The following DNAI7 variants were observed in gnomAD, a reference collection of about 807,000 sequenced individuals.
DNAI7 encodes dynein axonemal intermediate chain 7, also known as cancer susceptibility 1.
In DNAI7, 78 loss-of-function variants were observed where a neutral mutation model predicts 86.6. That is an observed-to-expected ratio of 0.90 (90% CI 0.75 to 1.09). The LOEUF (loss-of-function observed/expected upper bound fraction) is 1.09, where lower values mean the gene tolerates loss of function less well. DNAI7 is among the 50% of genes least tolerant of loss of function. The pLI is 0.00. For synonymous variants in DNAI7, 274 were observed against 273.0 expected, an observed-to-expected ratio of 1.00 and a Z score of -0.04; for missense variants, 753 against 810.2, an observed-to-expected ratio of 0.93 and a Z score of 0.86.
intron 13 of DNAI7, 115 bp from the exon 14 acceptor site, chr12:25,112,054 T>C (rs2140343542): frequency 1.8e-6 from 1 of 544,246 alleles, no homozygotes. Context: ...TATCACTCTA[T>C]ATTAGAAAGA....
intron 13 of DNAI7, 22 bp from the exon 14 acceptor site, chr12:25,111,961 A>C (rs748079427): frequency 2.0e-6 from 3 of 1,513,804 alleles, no homozygotes; most frequent in Non-Finnish European, 2.7e-6. Context: ...AAGAAAAAAG[A>C]AGCTTTTATG....
intron 13 of DNAI7, among the ~76,000 whole-genome samples, chr12:25,112,642 G>A: frequency 6.6e-6 from 1 of 151,888 alleles, no homozygotes; most frequent in Non-Finnish European, 1.5e-5. Context: ...TCCTGACCTT[G>A]TGATCTGCCC....
chr12:25,175,564 T>C (rs1948869112), intron 2 of DNAI7, among the ~76,000 whole-genome samples: 1 of 150,684 alleles, frequency 6.6e-6, no homozygotes, highest in African/African-American at 2.4e-5. Flanking sequence ...GCCAGGCTGG[T>C]CTCAAACTCC....
intron 6 of DNAI7, among the ~76,000 whole-genome samples, chr12:25,153,424 AAATT>A (rs1482066498): frequency 6.6e-6 from 1 of 151,790 alleles, no homozygotes; most frequent in Non-Finnish European, 1.5e-5. Context: ...CCGTCTCAAA[AAATT>A]AATTAAATAA....
intron 8 of DNAI7, among the ~76,000 whole-genome samples, 185 bp from the exon 9 acceptor site, chr12:25,144,862 T>C (rs1477826784): frequency 6.6e-6 from 1 of 152,166 alleles, no homozygotes; most frequent in East Asian, 1.9e-4. Flanking sequence ...AAACAGTTTA[T>C]TGGGATCCAT....
chr12:25,171,496 A>C (rs1219619412), intron 2 of DNAI7, among the ~76,000 whole-genome samples: 2 of 152,190 alleles, frequency 1.3e-5, no homozygotes, highest in African/African-American at 4.8e-5. Context: ...TACCAGAAAA[A>C]AAAGTCCAGG....
chr12:25,150,388 A>G (rs1945374644), intron 6 of DNAI7, among the ~76,000 whole-genome samples: 1 of 152,090 alleles, frequency 6.6e-6, no homozygotes. Flanking sequence ...GCAGATCACG[A>G]GGTCAGGAGA....
chr12:25,159,237 C>A (rs570520956), intron 3 of DNAI7, among the ~76,000 whole-genome samples: 1 of 152,302 alleles, frequency 6.6e-6, no homozygotes, highest in South Asian at 2.1e-4. Flanking sequence ...GCAGCAGGAG[C>A]TACTCGGCCT....
At chr12:25,178,556 C>T (rs1172588557) in intron 2 of DNAI7, among the ~76,000 whole-genome samples, 1 of 152,016 alleles carries the variant, frequency 6.6e-6, no homozygotes, top group African/African-American at 2.4e-5. Flanking sequence ...TACTGAGAGG[C>T]TAACATGTGC....
At chr12:25,149,356 A>G (rs1196104294) in intron 7 of DNAI7, among the ~76,000 whole-genome samples, 2 of 152,204 alleles carry the variant, frequency 1.3e-5, no homozygotes, top group African/African-American at 4.8e-5. Flanking sequence ...AGGAAGAAAG[A>G]CTGTTTGTGT....
intron 2 of DNAI7, among the ~76,000 whole-genome samples, chr12:25,172,375 C>T (rs996607655): frequency 6.6e-6 from 1 of 152,096 alleles, no homozygotes; most frequent in African/African-American, 2.4e-5. Context: ...AAATAAAATA[C>T]TTAGGAATAT....
chr12:25,108,283 A>ATT (rs1949363342), downstream of DNAI7: 2 of 565,460 alleles, frequency 3.5e-6, no homozygotes, highest in East Asian at 5.8e-5. Flanking sequence ...AGGAAGAAAT[A>ATT]TTATATATTG....
At chr12:25,110,371 C>G (rs1024009624) in intron 14 of DNAI7, 131 bp from the exon 15 acceptor site, 15 of 621,992 alleles carry the variant, frequency 2.4e-5, no homozygotes, top group Non-Finnish European at 3.7e-5. Context: ...TACATGACTC[C>G]TCTCTCAACA....
Position 25,121,892 on chromosome 12 carries a change from T to C in DNAI7, c.1100A>G (p.Asn367Ser). 6.3e-7 allele frequency: 1 copy of C among 1,589,160 alleles called. No homozygotes were observed. Among genetic ancestry groups the C allele is most frequent in the Non-Finnish European group, 8.5e-7 (1 of 1,173,500 alleles). The change falls in exon 11 of 16, where the codon AAT becomes AGT. Residue 367 changes from asparagine (N) to serine (S), a missense_variant. Asn to Ser is a conservative substitution (Grantham distance 46). Transcript: ENST00000395987. ...VSAAQLLLVE[N>S]SSEKPDFFED... ...AAAGAAATCTGGCTTTTCAGAAGAA[T>C]TCTCTACCAGCAACAACTGTGCTAA...
At chr12:25,125,321 G>C (rs1941969468) in intron 9 of DNAI7, among the ~76,000 whole-genome samples, 1 of 152,212 alleles carries the variant, frequency 6.6e-6, no homozygotes, top group Admixed American at 6.5e-5. Context: ...TCTGACTGGT[G>C]TGAGATGATA....
At chr12:25,182,524 G>A (rs1009995903) in intron 2 of DNAI7, among the ~76,000 whole-genome samples, 7 of 151,510 alleles carry the variant, frequency 4.6e-5, no homozygotes, top group Non-Finnish European at 7.4e-5. Context: ...TGGGAGGATT[G>A]CTTGAGCCTG....
chr12:25,140,320 T>C (rs1411486384), intron 9 of DNAI7, among the ~76,000 whole-genome samples: 1 of 152,152 alleles, frequency 6.6e-6, no homozygotes, highest in Non-Finnish European at 1.5e-5. Flanking sequence ...TAAAAGCTCC[T>C]AGATATGATA....
chr12:25,182,219 T>G (rs556215889), intron 2 of DNAI7, among the ~76,000 whole-genome samples: 1 of 151,630 alleles, frequency 6.6e-6, no homozygotes, highest in East Asian at 1.9e-4. Context: ...TGGTGGTACA[T>G]GCCTGTAATC....
At chr12:25,158,693 G>A (rs1946499101) in intron 3 of DNAI7, 130 bp from the exon 4 acceptor site, 2 of 1,491,920 alleles carry the variant, frequency 1.3e-6, no homozygotes, top group African/African-American at 1.4e-5. Flanking sequence ...TTATTACATG[G>A]TAGATATGAG....
Sources: gnomAD v4.1 joint callset for allele counts (sites outside exome capture counted in the v4.1 genomes callset) on GRCh38, gnomAD v4.1.1 for gene constraint, MANE v1.5 for transcripts, NCBI Gene and HGNC (gene_info 2026-07-23, HGNC 2026-07-21) for gene names.